Variants in RIMKLB observed in about 807,000 individuals in gnomAD.
RIMKLB encodes the protein ribosomal modification protein rimK like family member B, also known as beta-citrylglutamate synthase B.
A neutral mutation model predicts 32.0 loss-of-function variants in RIMKLB; 7 were observed. That is an observed-to-expected ratio of 0.22 (90% CI 0.12 to 0.41). The LOEUF is 0.41. Among genes scored for constraint, RIMKLB ranks in the 10% least tolerant of loss-of-function variants. RIMKLB has a pLI of 1.00. For missense variants in RIMKLB, 289 were observed against 498.7 expected (o/e 0.58, Z 4.00); for synonymous variants, 172 against 185.1 (o/e 0.93, Z 0.57).
At chr12:8,748,505 A>G (rs1018097108) in intron 2 of RIMKLB, among the ~76,000 whole-genome samples, 1 of 146,166 alleles carries the variant, frequency 6.8e-6, no homozygotes, top group Non-Finnish European at 1.5e-5. Context: ...CCCCACAGAC[A>G]AGGTGGGATT....
chr12:8,763,051 A>G (rs773437053), intron 5 of RIMKLB, among the ~76,000 whole-genome samples: 1 of 152,370 alleles, frequency 6.6e-6, no homozygotes, highest in Non-Finnish European at 1.5e-5. Context: ...GACAGCCACA[A>G]GTCTCTTTTA....
chr12:8,701,553 T>TA (rs1177766277), intron 1 of RIMKLB, among the ~76,000 whole-genome samples: 2 of 152,096 alleles, frequency 1.3e-5, no homozygotes, highest in Non-Finnish European at 2.9e-5. Context: ...TTTCTGAAAT[T>TA]ATGTTTTTGT....
chr12:8,735,256 T>G (rs1328391799), intron 2 of RIMKLB, among the ~76,000 whole-genome samples: 1 of 152,100 alleles, frequency 6.6e-6, no homozygotes, highest in East Asian at 1.9e-4. Context: ...TTTACATGGA[T>G]CCTTGCTTTG....
chr12:8,736,517 CTT>C (rs1157484475), intron 2 of RIMKLB, among the ~76,000 whole-genome samples: 4,472 of 126,636 alleles, frequency 0.035, 200 homozygotes, highest in African/African-American at 0.13. Context: ...CATGTATTTC[CTT>C]TTTTTTTTTT....
At chr12:8,780,645 T>G (rs750266443), downstream of RIMKLB, 5 of 152,210 alleles carry the variant, frequency 3.3e-5, no homozygotes, top group Non-Finnish European at 7.3e-5. Context: ...ACTTAAAGTC[T>G]GCATAGGAGA....
intron 2 of RIMKLB, among the ~76,000 whole-genome samples, chr12:8,726,025 T>C (rs1223189351): frequency 6.6e-6 from 1 of 152,186 alleles, no homozygotes; most frequent in Non-Finnish European, 1.5e-5. Context: ...TTTTTGTATT[T>C]TTAGTAGAGA....
Position 8,774,950 on chromosome 12 carries a change from T to C in RIMKLB, c.*1166T>C. 1.0e-6 allele frequency: 1 copy of C among 985,836 alleles called. No individual in the cohort carries two copies. Among genetic ancestry groups the C allele is most frequent in the Non-Finnish European group, 1.2e-6 (1 of 829,910 alleles). 61.1% of individuals were successfully genotyped at this position (985,836 alleles called of 1,614,324 possible). A position where few individuals can be genotyped will look rare whatever the true frequency, so the allele number is the denominator to read the frequency against. On this transcript the variant is annotated 3_prime_UTR_variant, in exon 6 of 6. Transcript: ENST00000535829. ...CATCAACTAATCAAAAAGGATAATT[T>C]AGAAAATGGAGCATGATGGGAAACA...
At chr12:8,688,053 G>GC (rs1420000135) in intron 1 of RIMKLB, among the ~76,000 whole-genome samples, 2 of 152,200 alleles carry the variant, frequency 1.3e-5, no homozygotes, top group Non-Finnish European at 2.9e-5. Context: ...TGTGTATGCT[G>GC]CAAGACCTTT....
At chr12:8,676,248 A>G in the RIMKLB span, among the ~76,000 whole-genome samples, 1 of 151,408 alleles carries the variant, frequency 6.6e-6, no homozygotes, top group Non-Finnish European at 1.5e-5. Context: ...AATTTTTTGT[A>G]TTTTTTGTAG....
chr12:8,681,808 A>G (rs192753337), exon 1 of RIMKLB: 19 of 152,338 alleles, frequency 1.2e-4, no homozygotes, highest in Admixed American at 9.8e-4. Context: ...TTCATCTTCC[A>G]TAATCAACTG....
chr12:8,766,838 C>T (rs1273623235), intron 5 of RIMKLB, among the ~76,000 whole-genome samples: 2 of 152,166 alleles, frequency 1.3e-5, no homozygotes, highest in Admixed American at 6.5e-5. Context: ...ACAGAATAGC[C>T]CCATACTTTA....
intron 2 of RIMKLB, among the ~76,000 whole-genome samples, chr12:8,743,529 A>G (rs987425128): frequency 1.4e-5 from 2 of 142,350 alleles, no homozygotes; most frequent in Non-Finnish European, 2.9e-5. Flanking sequence ...CAAACTGTCC[A>G]CTAGTACTTA....
intron 5 of RIMKLB, among the ~76,000 whole-genome samples, chr12:8,768,900 T>C (rs1430999223): frequency 6.6e-6 from 1 of 152,224 alleles, no homozygotes; most frequent in East Asian, 1.9e-4. Flanking sequence ...GTCATTCTTA[T>C]TCTTGTCAAA....
intron 2 of RIMKLB, among the ~76,000 whole-genome samples, chr12:8,749,219 AT>A (rs34847350): frequency 0.031 from 4,346 of 140,888 alleles, 152 homozygotes; most frequent in African/African-American, 0.092. Context: ...AACCACTTAG[AT>A]TTTTTTTTTT....
At chr12:8,742,762 C>T (rs1408360910) in intron 2 of RIMKLB, 1 of 228,822 alleles carries the variant, frequency 4.4e-6, no homozygotes, top group Non-Finnish European at 8.7e-6. Flanking sequence ...CCTTCACTAA[C>T]CAAGTCCAGG....
At chr12:8,718,697 G>A (rs893990500) in intron 2 of RIMKLB, among the ~76,000 whole-genome samples, 1 of 151,376 alleles carries the variant, frequency 6.6e-6, no homozygotes, top group African/African-American at 2.4e-5. Flanking sequence ...GTGTGTGTGT[G>A]TGTGTGTGTG....
intron 5 of RIMKLB, among the ~76,000 whole-genome samples, chr12:8,767,942 G>A (rs981890848): frequency 1.3e-5 from 2 of 152,266 alleles, no homozygotes; most frequent in East Asian, 3.9e-4. Context: ...TGCTTTGGAG[G>A]TCCCTTCGTG....
intron 2 of RIMKLB, among the ~76,000 whole-genome samples, chr12:8,726,853 T>G (rs1177879720): frequency 2.6e-5 from 4 of 152,198 alleles, no homozygotes; most frequent in Admixed American, 1.3e-4. Context: ...TTTGTTACTG[T>G]TTTCTCTTTG....
At chr12:8,699,924 A>T (rs1296859975) in intron 1 of RIMKLB, 1 of 152,198 alleles carries the variant, frequency 6.6e-6, no homozygotes, top group African/African-American at 2.4e-5. Flanking sequence ...GCCCCCCCGC[A>T]GGGGGTAAGG....
Sources: allele counts gnomAD v4.1 joint callset (sites outside exome capture counted in the v4.1 genomes callset), GRCh38; gene constraint gnomAD v4.1.1; transcripts MANE v1.5; gene names NCBI Gene and HGNC (gene_info 2026-07-23, HGNC 2026-07-21).